Variants in KIT observed in about 807,000 individuals in gnomAD.
KIT encodes the protein KIT proto-oncogene, receptor tyrosine kinase.
KIT carries 16 observed loss-of-function variants against 105.7 expected under a neutral mutation model. That is an observed-to-expected ratio of 0.15 (90% CI 0.10 to 0.23). The LOEUF (loss-of-function observed/expected upper bound fraction) is 0.23. Ranked by LOEUF, KIT falls within the 10% of genes least tolerant of loss-of-function variation. KIT has a pLI of 1.00. For missense variants in KIT, 858 were observed against 1,213.8 expected, an observed-to-expected ratio of 0.71 and a Z score of 4.36; for synonymous variants, 438 against 441.1, an observed-to-expected ratio of 0.99 and a Z score of 0.09.
intron 7 of KIT, among the ~76,000 whole-genome samples, chr4:54,714,271 G>T (rs539874834): frequency 6.6e-6 from 1 of 152,060 alleles, no homozygotes; most frequent in East Asian, 1.9e-4. Context: ...GGAAATATTA[G>T]AAAAAAATGA....
At chr4:54,689,876 T>C (rs941760343) in intron 1 of KIT, among the ~76,000 whole-genome samples, 13 of 152,044 alleles carry the variant, frequency 8.6e-5, no homozygotes, top group South Asian at 2.1e-4. Context: ...CATCCCCCAC[T>C]GTACTCCCTC....
intron 1 of KIT, among the ~76,000 whole-genome samples, chr4:54,660,292 C>T (rs1186041596): frequency 6.6e-6 from 1 of 152,082 alleles, no homozygotes; most frequent in Non-Finnish European, 1.5e-5. Context: ...GGGCCCCCGC[C>T]CCCCAAGTAT....
Position 54,658,409 on chromosome 4 carries a change from G to A in KIT, c.67+328G>A, listed in dbSNP as rs188775682. 7.9e-3 allele frequency among the ~76,000 whole-genome samples: 1,203 copies of A among 152,220 alleles called. 25 individuals are homozygous for A. The highest frequency in any genetic ancestry group is 0.028 in the African/African-American group (1,157 of 41,542). On this transcript the variant is annotated intron_variant, in intron 1 of 20. Transcript: ENST00000288135. ...GCTTTTGTGCCGACGTTGCGCGGGGGGCGGAGGCGGGGGGCTCAGGGGTTT... is the reference window on the plus strand; with the variant it reads ...GCTTTTGTGCCGACGTTGCGCGGGGAGCGGAGGCGGGGGGCTCAGGGGTTT...
At chr4:54,723,514 GA>G in intron 7 of KIT, 69 bp from the exon 8 acceptor site, 2 of 970,840 alleles carry the variant, frequency 2.1e-6, no homozygotes, top group Non-Finnish European at 3.3e-6. Context: ...AGGGATTAGA[GA>G]GGGAGTGAAG....
At chr4:54,716,335 G>A (rs569045989) in intron 7 of KIT, among the ~76,000 whole-genome samples, 33 of 152,228 alleles carry the variant, frequency 2.2e-4, no homozygotes, top group Non-Finnish European at 4.4e-4. Context: ...TTTGTATGCT[G>A]CATGTTTTTA....
At chr4:54,696,568 A>G (rs950071425) in intron 2 of KIT, among the ~76,000 whole-genome samples, 2 of 152,230 alleles carry the variant, frequency 1.3e-5, no homozygotes, top group South Asian at 2.1e-4. Flanking sequence ...GGCCTTATCC[A>G]TGGTATTGTG....
intron 1 of KIT, among the ~76,000 whole-genome samples, chr4:54,693,690 A>G (rs546037059): frequency 5.3e-5 from 8 of 151,856 alleles, no homozygotes; most frequent in African/African-American, 1.4e-4. Context: ...AACCTTGCAT[A>G]TGGTGGCAGG....
At chr4:54,730,940 G>A (rs1370222706) in intron 14 of KIT, among the ~76,000 whole-genome samples, 3 of 151,956 alleles carry the variant, frequency 2.0e-5, no homozygotes, top group East Asian at 3.9e-4. Flanking sequence ...TGCATAACAC[G>A]TCTTGGAAGC....
At chr4:54,685,058 C>T (rs1019031316) in intron 1 of KIT, among the ~76,000 whole-genome samples, 6 of 152,114 alleles carry the variant, frequency 3.9e-5, no homozygotes, top group Non-Finnish European at 8.8e-5. Context: ...TATAGAAGGC[C>T]CTGTGCACTG....
intron 7 of KIT, among the ~76,000 whole-genome samples, chr4:54,711,912 G>T (rs1721186514): frequency 7.3e-6 from 1 of 137,092 alleles, no homozygotes; most frequent in Non-Finnish European, 1.5e-5. Flanking sequence ...CTGGGCGACT[G>T]AACGAGAGTC....
rs1301927813 is a variant in KIT at position 54,685,155 on chromosome 4, C to T, written c.68-10357C>T. Among the ~76,000 whole-genome samples the T allele has an allele frequency of 3.9e-5, 6 of 152,310 alleles. 1 individual carries two copies. In the South Asian group the frequency reaches 1.2e-3, roughly 32 times the overall value. ...TCAGCCACCCTGGGCCTTGTCATTTCTCCCTGGCCCCTCTGTTCTTTGTAG... is the reference window on the plus strand; with the variant it reads ...TCAGCCACCCTGGGCCTTGTCATTTTTCCCTGGCCCCTCTGTTCTTTGTAG... On this transcript the variant is annotated intron_variant, in intron 1 of 20. Coordinates refer to ENST00000288135, the MANE Select transcript of KIT (RefSeq NM_000222.3).
chr4:54,668,629 T>C (rs1358368957), intron 1 of KIT, among the ~76,000 whole-genome samples: 1 of 152,252 alleles, frequency 6.6e-6, no homozygotes, highest in East Asian at 1.9e-4. Context: ...CTCTTTTTAT[T>C]GGAAAAGAAG....
intron 9 of KIT, among the ~76,000 whole-genome samples, chr4:54,726,266 A>G (rs759785691): frequency 2.0e-5 from 3 of 152,170 alleles, no homozygotes; most frequent in Non-Finnish European, 4.4e-5. Flanking sequence ...TATATATTTT[A>G]TATGTATGTG....
intron 1 of KIT, among the ~76,000 whole-genome samples, chr4:54,689,969 T>G (rs1427056685): frequency 1.3e-5 from 2 of 151,982 alleles, no homozygotes; most frequent in Admixed American, 6.6e-5. Context: ...TATCACACAA[T>G]ATGCCTTTCT....
chr4:54,664,955 G>A (rs76384120), intron 1 of KIT, among the ~76,000 whole-genome samples: 5,845 of 150,294 alleles, frequency 0.039, 356 homozygotes, highest in African/African-American at 0.13. Context: ...ATCTTTAAAT[G>A]TATATTTCAA....
At chr4:54,700,611 G>A (rs1246518915) in intron 4 of KIT, among the ~76,000 whole-genome samples, 3 of 152,058 alleles carry the variant, frequency 2.0e-5, no homozygotes, top group African/African-American at 7.2e-5. Context: ...TATCACAGTG[G>A]TTTTTATTCA....
At chr4:54,715,536 G>T (rs1721431378) in intron 7 of KIT, among the ~76,000 whole-genome samples, 1 of 152,030 alleles carries the variant, frequency 6.6e-6, no homozygotes, top group Non-Finnish European at 1.5e-5. Context: ...TGGCAAGAGA[G>T]GAGGAAAGAG....
At chr4:54,717,902 C>T (rs1315268000) in intron 7 of KIT, among the ~76,000 whole-genome samples, 2 of 152,080 alleles carry the variant, frequency 1.3e-5, no homozygotes, top group Non-Finnish European at 1.5e-5. Context: ...AGGTCTTCCT[C>T]CCCACGGCTG....
intron 1 of KIT, among the ~76,000 whole-genome samples, chr4:54,680,297 A>G (rs1718809491): frequency 1.3e-5 from 2 of 150,834 alleles, no homozygotes; most frequent in Admixed American, 1.3e-4. Context: ...TCTGTGTTTC[A>G]TTTGATATCA....
Sources: allele counts gnomAD v4.1 joint callset (sites outside exome capture counted in the v4.1 genomes callset), GRCh38; gene constraint gnomAD v4.1.1; transcripts MANE v1.5; gene names NCBI Gene and HGNC (gene_info 2026-07-23, HGNC 2026-07-21).